Variants in PPFIBP1 observed in about 807,000 individuals in gnomAD.
PPFIBP1 encodes the protein PPFIB scaffold protein 1, also known as liprin-beta-1.
In PPFIBP1, 112 loss-of-function variants were observed where a neutral mutation model predicts 137.8. The observed-to-expected ratio is 0.81, with a 90% confidence interval of 0.70 to 0.95. PPFIBP1 has a LOEUF of 0.95. PPFIBP1 is among the 40% of genes least tolerant of loss of function. PPFIBP1 has a pLI of 0.00. For missense variants in PPFIBP1, 1,083 were observed against 1,196.6 expected (o/e 0.91, Z 1.40); for synonymous variants, 378 against 417.3 (o/e 0.91, Z 1.15).
rs115334002 is a variant in PPFIBP1 at position 27,654,892 on chromosome 12, G to A, written c.696+78G>A. On this transcript the variant is annotated intron_variant, in intron 8 of 29. Transcript: ENST00000228425. Reference sequence around the variant, plus strand: ...CTATGCCCAATAATATAAATAAGATGTTTTCTACTTAATGTATGATAAAGA... The same window carrying A: ...CTATGCCCAATAATATAAATAAGATATTTTCTACTTAATGTATGATAAAGA... 6,174 of 1,485,176 alleles carry A rather than the reference G, an allele frequency of 4.2e-3. 216 individuals carry two copies. The African/African-American group carries it at 0.076, about 18-fold the overall frequency. The allele number at this position is 1,485,176 out of a possible 1,614,324, so 92.0% of individuals were successfully genotyped here.
At chr12:27,579,211 A>G (rs534477637) in intron 2 of PPFIBP1, among the ~76,000 whole-genome samples, 5 of 152,314 alleles carry the variant, frequency 3.3e-5, no homozygotes, top group African/African-American at 1.2e-4. Context: ...TGTGTCCATG[A>G]GCTATCTAAG....
At chr12:27,549,088 A>T (rs1325302176) in intron 1 of PPFIBP1, 3 of 152,230 alleles carry the variant, frequency 2.0e-5, no homozygotes, top group Non-Finnish European at 4.4e-5. Context: ...GGTTTATTGC[A>T]TTGGCTAGAA....
chr12:27,618,500 C>T (rs557342433), intron 2 of PPFIBP1, among the ~76,000 whole-genome samples: 2 of 152,326 alleles, frequency 1.3e-5, no homozygotes, highest in East Asian at 3.9e-4. Flanking sequence ...TTAACCCAGA[C>T]ATCCCTTTCT....
chr12:27,664,485 C>A, intron 12 of PPFIBP1, 39 bp downstream of exon 12: 1 of 1,356,316 alleles, frequency 7.4e-7, no homozygotes, highest in Non-Finnish European at 1.0e-6. Flanking sequence ...CTTTGGTTGA[C>A]TCTAAGTGGC....
chr12:27,613,607 G>A (rs113005206), intron 2 of PPFIBP1, among the ~76,000 whole-genome samples: 2,663 of 151,618 alleles, frequency 0.018, 82 homozygotes, highest in African/African-American at 0.06. Context: ...GGAGGCTGAG[G>A]CAGGAGAATC....
chr12:27,601,345 C>T (rs900981717), intron 2 of PPFIBP1, among the ~76,000 whole-genome samples: 8 of 152,000 alleles, frequency 5.3e-5, no homozygotes, highest in South Asian at 2.1e-4. Context: ...TTTTTAGGGG[C>T]GGGGAGAGGA....
At chr12:27,629,704 G>A (rs1166073559) in intron 2 of PPFIBP1, among the ~76,000 whole-genome samples, 2 of 152,168 alleles carry the variant, frequency 1.3e-5, no homozygotes, top group African/African-American at 4.8e-5. Context: ...ATTTTCTAAA[G>A]CTTTTTTATT....
intron 27 of PPFIBP1, among the ~76,000 whole-genome samples, chr12:27,689,888 C>G (rs2061425061): frequency 6.6e-6 from 1 of 152,176 alleles, no homozygotes. Flanking sequence ...TTACCTTCTT[C>G]CCCTCTTTAT....
chr12:27,529,389 G>A (rs1360757055), intron 1 of PPFIBP1, among the ~76,000 whole-genome samples: 1 of 152,182 alleles, frequency 6.6e-6, no homozygotes, highest in African/African-American at 2.4e-5. Context: ...TCAGTGGCAA[G>A]TCTATTCCTA....
At chr12:27,663,458 T>A (rs2059670408) in intron 11 of PPFIBP1, among the ~76,000 whole-genome samples, 1 of 151,688 alleles carries the variant, frequency 6.6e-6, no homozygotes, top group African/African-American at 2.4e-5. Context: ...GATTGAGAAA[T>A]AAAAATCGAA....
intron 1 of PPFIBP1, among the ~76,000 whole-genome samples, chr12:27,573,814 C>T (rs540488254): frequency 9.9e-5 from 15 of 152,130 alleles, no homozygotes; most frequent in African/African-American, 3.6e-4. Context: ...GAGACCTCAT[C>T]AGTACAAAAA....
intron 1 of PPFIBP1, among the ~76,000 whole-genome samples, chr12:27,555,619 A>G (rs1421083953): frequency 3.3e-5 from 5 of 151,976 alleles, no homozygotes; most frequent in Non-Finnish European, 7.4e-5. Context: ...TTTTGACCCA[A>G]CTCTTCCCCT....
intron 2 of PPFIBP1, among the ~76,000 whole-genome samples, chr12:27,631,554 G>A (rs1237285183): frequency 6.6e-6 from 1 of 152,152 alleles, no homozygotes; most frequent in Non-Finnish European, 1.5e-5. Context: ...AACTTTCATA[G>A]CAATTTAACA....
At chr12:27,674,990 C>A (rs957025415) in intron 17 of PPFIBP1, among the ~76,000 whole-genome samples, 2 of 126,476 alleles carry the variant, frequency 1.6e-5, no homozygotes, top group South Asian at 2.6e-4. Context: ...TTTTTTTTTT[C>A]GTTTGTTTTT....
intron 1 of PPFIBP1, among the ~76,000 whole-genome samples, chr12:27,551,078 T>C (rs1835658964): frequency 6.6e-6 from 1 of 151,968 alleles, no homozygotes; most frequent in Admixed American, 6.6e-5. Flanking sequence ...AGATTAGTTA[T>C]GTGACCTTGG....
chr12:27,573,547 G>A (rs1039372910), intron 1 of PPFIBP1, among the ~76,000 whole-genome samples: 1 of 152,186 alleles, frequency 6.6e-6, no homozygotes, highest in East Asian at 1.9e-4. Flanking sequence ...CATCCTGGAG[G>A]CATGAAGACC....
intron 1 of PPFIBP1, among the ~76,000 whole-genome samples, chr12:27,540,377 G>T (rs918575952): frequency 2.0e-5 from 3 of 150,896 alleles, no homozygotes; most frequent in Non-Finnish European, 4.4e-5. Context: ...CCCAAAGACT[G>T]CAAAATCATC....
chr12:27,642,695 AGGGAGGAGT>A (rs988689453), intron 4 of PPFIBP1, among the ~76,000 whole-genome samples: 3 of 152,292 alleles, frequency 2.0e-5, no homozygotes, highest in African/African-American at 7.2e-5. Context: ...TTGATCTGAG[AGGGAGGAGT>A]GGGAGGTGAG....
At chr12:27,661,286 G>C (rs1172883713) in intron 11 of PPFIBP1, among the ~76,000 whole-genome samples, 1 of 152,244 alleles carries the variant, frequency 6.6e-6, no homozygotes, top group Admixed American at 6.5e-5. Context: ...CCCTGAAGGA[G>C]CTAGCTTGAC....
Sources: gnomAD v4.1 joint callset for allele counts (sites outside exome capture counted in the v4.1 genomes callset) on GRCh38, gnomAD v4.1.1 for gene constraint, MANE v1.5 for transcripts, NCBI Gene and HGNC (gene_info 2026-07-23, HGNC 2026-07-21) for gene names.